The following KCNMA1 variants were observed in gnomAD, a reference collection of about 807,000 sequenced individuals.
KCNMA1 encodes the protein Calcium-activated potassium channel subunit alpha-1.
A neutral mutation model predicts 140.0 loss-of-function variants in KCNMA1; 29 were observed. That is an observed-to-expected ratio of 0.21 (90% CI 0.15 to 0.28). The LOEUF is 0.28. Among genes scored for constraint, KCNMA1 ranks in the 10% least tolerant of loss-of-function variants. KCNMA1 has a pLI of 1.00. For synonymous variants in KCNMA1, 612 were observed against 611.9 expected (o/e 1.00, Z 0.00); for missense variants, 880 against 1,602.2 (o/e 0.55, Z 7.70).
chr10:77,096,678 A>G (rs2096940817), intron 9 of KCNMA1, among the ~76,000 whole-genome samples: 2 of 152,238 alleles, frequency 1.3e-5, no homozygotes, highest in Admixed American at 1.3e-4. Flanking sequence ...ATCTTGTCAC[A>G]ATAAATCAGA....
At chr10:77,036,028 G>A (rs1187407749) in intron 15 of KCNMA1, among the ~76,000 whole-genome samples, 2 of 152,214 alleles carry the variant, frequency 1.3e-5, no homozygotes, top group African/African-American at 4.8e-5. Context: ...CTCTGGATGG[G>A]CACAATCTAA....
intron 1 of KCNMA1, among the ~76,000 whole-genome samples, chr10:77,511,399 C>G (rs539521039): frequency 6.6e-6 from 1 of 152,304 alleles, no homozygotes; most frequent in African/African-American, 2.4e-5. Flanking sequence ...TCTTCTGGGA[C>G]AAGTTCTTAA....
chr10:76,954,004 A>C, intron 20 of KCNMA1, 80 bp from the exon 21 acceptor site: 57 of 1,452,786 alleles, frequency 3.9e-5, no homozygotes, highest in Non-Finnish European at 5.2e-5. Flanking sequence ...ATTACATCTC[A>C]GAGGATGTGA....
In KCNMA1 at chr10:76,940,167, C is replaced by A. The variant is rs376518004; in HGVS notation, c.2902+4606G>T. ...AGACCCAACTGTCACATCGGATATA[C>A]CATCTGGCTTGGGATATGCCACCTT... On this transcript the variant is annotated intron_variant, in intron 23 of 27. Coordinates refer to ENST00000286628, the MANE Select transcript of KCNMA1 (RefSeq NM_001161352.2). Among the ~76,000 whole-genome samples, 14 of 152,304 alleles carry A rather than the reference C, an allele frequency of 9.2e-5. No homozygotes were observed. The South Asian group carries it at 2.9e-3, about 32-fold the overall frequency.
intron 1 of KCNMA1, among the ~76,000 whole-genome samples, chr10:77,502,008 G>A (rs550646109): frequency 1.3e-5 from 2 of 152,144 alleles, no homozygotes; most frequent in Non-Finnish European, 2.9e-5. Context: ...AGTCCCTATG[G>A]AAATCACCCT....
At chr10:77,145,259 C>T (rs111940900) in intron 5 of KCNMA1, among the ~76,000 whole-genome samples, 1 of 152,188 alleles carries the variant, frequency 6.6e-6, no homozygotes, top group Non-Finnish European at 1.5e-5. Flanking sequence ...TCCAACCCTG[C>T]CTCAAGTCTC....
At chr10:77,032,889 A>G (rs1245588191) in intron 15 of KCNMA1, among the ~76,000 whole-genome samples, 1 of 152,180 alleles carries the variant, frequency 6.6e-6, no homozygotes, top group Non-Finnish European at 1.5e-5. Context: ...CCTTTACTGG[A>G]AACATTACTT....
chr10:76,913,094 G>T (rs2051043722), intron 24 of KCNMA1: 2 of 152,160 alleles, frequency 1.3e-5, no homozygotes, highest in Admixed American at 1.3e-4. Context: ...TTGAAAGCCT[G>T]CTCCCTTATT....
intron 1 of KCNMA1, among the ~76,000 whole-genome samples, chr10:77,490,623 G>T (rs1411584705): frequency 2.6e-5 from 4 of 152,180 alleles, no homozygotes; most frequent in African/African-American, 9.7e-5. Context: ...ATAGACCTAG[G>T]AGGTTGGTGC....
Position 77,108,153 on chromosome 10 carries a change from AC to A in KCNMA1, c.1223+327del, listed in dbSNP as rs1287365491. 1 of 695,894 alleles carries A rather than the reference AC, an allele frequency of 1.4e-6. No individual in the cohort carries two copies. The highest frequency in any genetic ancestry group is 2.3e-6 in the Non-Finnish European group (1 of 426,560). 43.1% of individuals were successfully genotyped at this position (695,894 alleles called of 1,614,324 possible). ...GTCCTCGGGTCACCTCTGACATCACACCCCATGCAGAAACTGGGCCTTCCCT... is the reference window on the plus strand; with the variant it reads ...GTCCTCGGGTCACCTCTGACATCACACCCATGCAGAAACTGGGCCTTCCCT... On this transcript the variant is annotated intron_variant, in intron 9 of 27. Coordinates refer to ENST00000286628, the MANE Select transcript of KCNMA1 (RefSeq NM_001161352.2). The surrounding 1 kb of genome is among the most constrained non-coding windows in gnomAD (Gnocchi z 4.6).
intron 23 of KCNMA1, among the ~76,000 whole-genome samples, chr10:76,919,652 T>G (rs1329537166): frequency 6.6e-6 from 1 of 152,186 alleles, no homozygotes; most frequent in Admixed American, 6.5e-5. Flanking sequence ...TTCTGGCACC[T>G]CCACCTATAA....
intron 1 of KCNMA1, chr10:77,636,955 AC>A: frequency 2.1e-6 from 3 of 1,412,180 alleles, no homozygotes; most frequent in African/African-American, 1.5e-5. Context: ...GCACCACGGC[AC>A]CCGAGCCTGT....
intron 2 of KCNMA1, among the ~76,000 whole-genome samples, chr10:77,295,173 C>G (rs564201772): frequency 6.6e-6 from 1 of 151,780 alleles, no homozygotes; most frequent in Admixed American, 6.6e-5. Context: ...CATGGTGAAA[C>G]CCTGTCTCTA....
intron 23 of KCNMA1, among the ~76,000 whole-genome samples, chr10:76,936,507 G>A (rs556676615): frequency 6.6e-6 from 1 of 152,298 alleles, no homozygotes; most frequent in East Asian, 1.9e-4. Context: ...TTAGCGCTGA[G>A]CTTTGTTCGT....
In KCNMA1 at chr10:77,198,319, C is replaced by T. The variant is rs533113149; in HGVS notation, c.603-13403G>A. Among the ~76,000 whole-genome samples the T allele has an allele frequency of 2.6e-5, 4 of 152,154 alleles. No homozygotes were observed. In the South Asian group the frequency reaches 8.3e-4, roughly 32 times the overall value. ...GTAATGTAGTGTTGAAGGAACCCAA[C>T]AGTCGTGAAAGCTCGGGTGGTGCAA... On this transcript the variant is annotated intron_variant, in intron 3 of 27. Coordinates refer to ENST00000286628, the MANE Select transcript of KCNMA1 (RefSeq NM_001161352.2).
chr10:77,477,754 G>T (rs1314719174), intron 1 of KCNMA1, among the ~76,000 whole-genome samples: 1 of 152,192 alleles, frequency 6.6e-6, no homozygotes, highest in Admixed American at 6.5e-5. Flanking sequence ...ATTGGTCAAT[G>T]CCCTGAACAC....
intron 2 of KCNMA1, among the ~76,000 whole-genome samples, chr10:77,296,381 C>T (rs907116876): frequency 2.0e-5 from 3 of 152,094 alleles, no homozygotes; most frequent in Admixed American, 6.5e-5. Context: ...TGACTTTAGC[C>T]CAGTGAGATG....
intron 5 of KCNMA1, among the ~76,000 whole-genome samples, chr10:77,151,131 CCTTTCTTTCTT>C (rs1481019094): frequency 6.6e-6 from 1 of 150,834 alleles, no homozygotes; most frequent in Non-Finnish European, 1.5e-5. Flanking sequence ...TCTCTTCCTT[CCTTTCTTTCTT>C]CTTTCTTTCT....
chr10:77,039,330 T>G, intron 15 of KCNMA1, 198 bp downstream of exon 15: 1 of 627,388 alleles, frequency 1.6e-6, no homozygotes, highest in Non-Finnish European at 2.9e-6. Flanking sequence ...TCAAGAAAAG[T>G]GGGGCCAGTG....
Sources: gnomAD v4.1 joint callset for allele counts (sites outside exome capture counted in the v4.1 genomes callset) on GRCh38, gnomAD v4.1.1 for gene constraint, Gnocchi (gnomAD v3.1) non-coding constraint, MANE v1.5 for transcripts, NCBI Gene and HGNC (gene_info 2026-07-23, HGNC 2026-07-21) for gene names.